Variants in KCNH7 observed in about 807,000 individuals in gnomAD.
The protein encoded by KCNH7 is voltage-gated inwardly rectifying potassium channel KCNH7.
Under a neutral mutation model 120.8 loss-of-function variants are expected in KCNH7, and 49 were observed. The observed-to-expected ratio is 0.41, with a 90% CI of 0.32 to 0.51. KCNH7 has a LOEUF of 0.51. KCNH7 is among the 20% of genes least tolerant of loss of function. KCNH7 has a pLI of 0.38. For missense variants in KCNH7, 1,097 were observed against 1,446.6 expected, an observed-to-expected ratio of 0.76 and a Z score of 3.92; for synonymous variants, 547 against 516.1, an observed-to-expected ratio of 1.06 and a Z score of -0.81.
At chr2:162,742,937 C>T (rs1443563381) in intron 2 of KCNH7, among the ~76,000 whole-genome samples, 3 of 152,142 alleles carry the variant, frequency 2.0e-5, no homozygotes, top group Admixed American at 1.3e-4. Flanking sequence ...GTAATACATT[C>T]AGGTTTTAGG....
intron 2 of KCNH7, among the ~76,000 whole-genome samples, chr2:162,815,682 T>C (rs1278027371): frequency 1.3e-5 from 2 of 152,226 alleles, no homozygotes; most frequent in South Asian, 2.1e-4. Context: ...ATCTCAGATA[T>C]GCTTGTCTCA....
chr2:162,630,574 C>T (rs1297709786), intron 2 of KCNH7, among the ~76,000 whole-genome samples: 1 of 151,948 alleles, frequency 6.6e-6, no homozygotes, highest in Admixed American at 6.6e-5. Context: ...TTCTTTCTTC[C>T]TAAAAAGATA....
chr2:162,624,971 C>T (rs1315348196), intron 2 of KCNH7, among the ~76,000 whole-genome samples: 2 of 140,978 alleles, frequency 1.4e-5, no homozygotes, highest in South Asian at 2.4e-4. Context: ...GATCTAGGCT[C>T]ACCTCCACCT....
rs142045914 is a variant in KCNH7 at position 162,613,181 on chromosome 2, C to G, written c.308-76101G>C. On this transcript the variant is annotated intron_variant, in intron 2 of 15. Coordinates refer to ENST00000332142, the MANE Select transcript of KCNH7 (RefSeq NM_033272.4). ...CCACAGTCAGAGGTATCATATCATA[C>G]TGAGACTGCAGAACACTAAGTACAA... Among the ~76,000 whole-genome samples, 677 of 151,992 alleles carry G rather than the reference C, an allele frequency of 4.5e-3. 7 individuals are homozygous for G. Among genetic ancestry groups the G allele is most frequent in the African/African-American group, 0.016 (651 of 41,504 alleles).
intron 12 of KCNH7, among the ~76,000 whole-genome samples, chr2:162,388,028 T>G (rs544931694): frequency 6.6e-5 from 10 of 151,906 alleles, no homozygotes; most frequent in African/African-American, 2.4e-4. Context: ...AGTTGAGCAA[T>G]TCCCAGCCAG....
At chr2:162,535,022 A>G (rs1002029564) in intron 3 of KCNH7, among the ~76,000 whole-genome samples, 6 of 151,792 alleles carry the variant, frequency 4.0e-5, no homozygotes, top group Non-Finnish European at 8.8e-5. Context: ...ACAGAGGCTA[A>G]AAAAGGCATT....
chr2:162,776,822 G>C (rs1168384097), intron 2 of KCNH7, among the ~76,000 whole-genome samples: 1 of 152,096 alleles, frequency 6.6e-6, no homozygotes, highest in Admixed American at 6.6e-5. Flanking sequence ...ATTCCCCATG[G>C]AGCTTTAACT....
chr2:162,587,237 C>T (rs1023628364), intron 2 of KCNH7, among the ~76,000 whole-genome samples: 2 of 151,268 alleles, frequency 1.3e-5, no homozygotes, highest in Non-Finnish European at 3.0e-5. Context: ...TTGACTACAT[C>T]TTTTATTTGG....
chr2:162,572,028 A>G (rs1693497582), intron 2 of KCNH7, among the ~76,000 whole-genome samples: 1 of 151,808 alleles, frequency 6.6e-6, no homozygotes, highest in South Asian at 2.1e-4. Flanking sequence ...ATGGCAACAA[A>G]AGACAAAATT....
chr2:162,598,026 G>A (rs1369034176), intron 2 of KCNH7, among the ~76,000 whole-genome samples: 1 of 151,888 alleles, frequency 6.6e-6, no homozygotes, highest in Non-Finnish European at 1.5e-5. Context: ...CCAATCTCTT[G>A]TCATTTTGCT....
chr2:162,471,117 G>C (rs547161843), intron 6 of KCNH7, among the ~76,000 whole-genome samples: 1 of 152,016 alleles, frequency 6.6e-6, no homozygotes, highest in Non-Finnish European at 1.5e-5. Context: ...GCGGAGGGCC[G>C]CAGGGTCCTC....
At chr2:162,438,943 C>T (rs765441211) in intron 7 of KCNH7, among the ~76,000 whole-genome samples, 7 of 152,050 alleles carry the variant, frequency 4.6e-5, no homozygotes, top group Non-Finnish European at 8.8e-5. Flanking sequence ...CTTCTCCTGC[C>T]AATTTGTTAT....
At chr2:162,451,269 T>G (rs993097203) in intron 6 of KCNH7, among the ~76,000 whole-genome samples, 7 of 152,086 alleles carry the variant, frequency 4.6e-5, no homozygotes, top group Non-Finnish European at 2.9e-5. Context: ...TACAGATGCA[T>G]AAAATATTTT....
chr2:162,491,572 C>G (rs544860764), intron 6 of KCNH7, among the ~76,000 whole-genome samples: 1 of 152,280 alleles, frequency 6.6e-6, no homozygotes, highest in African/African-American at 2.4e-5. Context: ...AAGTTACCAA[C>G]AGCAGGAAGG....
chr2:162,774,088 A>G (rs984680240), intron 2 of KCNH7, among the ~76,000 whole-genome samples: 1 of 152,162 alleles, frequency 6.6e-6, no homozygotes, highest in Admixed American at 6.5e-5. Context: ...GAGTAAGTTC[A>G]AGGGATATAC....
At chr2:162,593,039 A>C (rs1381944795) in intron 2 of KCNH7, among the ~76,000 whole-genome samples, 1 of 152,126 alleles carries the variant, frequency 6.6e-6, no homozygotes, top group Non-Finnish European at 1.5e-5. Flanking sequence ...TATATCATTT[A>C]TATCTCTGCC....
intron 2 of KCNH7, among the ~76,000 whole-genome samples, chr2:162,782,372 G>T (rs796150702): frequency 5.3e-5 from 8 of 152,304 alleles, no homozygotes; most frequent in African/African-American, 1.7e-4. Flanking sequence ...TTTCTGAGAA[G>T]TCGACATTTG....
intron 2 of KCNH7, among the ~76,000 whole-genome samples, chr2:162,540,704 A>G (rs975503882): frequency 6.6e-5 from 10 of 152,102 alleles, no homozygotes; most frequent in Non-Finnish European, 1.3e-4. Flanking sequence ...AGAAGGCCAA[A>G]GAATGGATCT....
chr2:162,712,463 A>G (rs1686960785), intron 2 of KCNH7, among the ~76,000 whole-genome samples: 1 of 152,154 alleles, frequency 6.6e-6, no homozygotes, highest in African/African-American at 2.4e-5. Context: ...TCATGAATAA[A>G]TAGCTGACTT....
Sources: allele counts gnomAD v4.1 joint callset (sites outside exome capture counted in the v4.1 genomes callset), GRCh38; gene constraint gnomAD v4.1.1; transcripts MANE v1.5; gene names NCBI Gene and HGNC (gene_info 2026-07-23, HGNC 2026-07-21).